The following MYO1B variants were observed in gnomAD, a reference collection of about 807,000 sequenced individuals.
MYO1B encodes the protein myosin IB.
Under a neutral mutation model 159.7 loss-of-function variants are expected in MYO1B, and 72 were observed. The observed-to-expected ratio is 0.45, with a 90% CI of 0.37 to 0.55. The LOEUF (loss-of-function observed/expected upper bound fraction) is 0.55. MYO1B is among the 20% of genes least tolerant of loss of function. The pLI is 0.00. For synonymous variants in MYO1B, 468 were observed against 473.8 expected (o/e 0.99, Z 0.16); for missense variants, 1,062 against 1,364.8 (o/e 0.78, Z 3.50).
chr2:191,303,078 C>A (rs1451459556), intron 3 of MYO1B, among the ~76,000 whole-genome samples: 1 of 152,160 alleles, frequency 6.6e-6, no homozygotes, highest in African/African-American at 2.4e-5. Flanking sequence ...TTATAAAGAA[C>A]ATTTCTGACT....
intron 15 of MYO1B, 101 bp downstream of exon 15, chr2:191,383,443 GTTTT>G (rs200389825): frequency 2.7e-5 from 2 of 75,280 alleles, no homozygotes; most frequent in Non-Finnish European, 5.2e-5. Flanking sequence ...TATTTTCACT[GTTTT>G]TTATATATAT....
At chr2:191,373,506 T>C (rs1694506969) in intron 13 of MYO1B, among the ~76,000 whole-genome samples, 1 of 152,238 alleles carries the variant, frequency 6.6e-6, no homozygotes, top group Non-Finnish European at 1.5e-5. Flanking sequence ...CTGGGCATGG[T>C]GGCTCACACT....
intron 30 of MYO1B, among the ~76,000 whole-genome samples, chr2:191,421,157 C>T (rs1697912352): frequency 6.6e-6 from 1 of 151,450 alleles, no homozygotes; most frequent in East Asian, 1.9e-4. Flanking sequence ...GCAACCTCTG[C>T]CTCCTGGGTT....
chr2:191,378,210 G>T (rs531321979), intron 13 of MYO1B, among the ~76,000 whole-genome samples: 2 of 152,130 alleles, frequency 1.3e-5, no homozygotes, highest in Non-Finnish European at 2.9e-5. Flanking sequence ...TCACTTTTTG[G>T]TGATCTGCCA....
intron 3 of MYO1B, among the ~76,000 whole-genome samples, chr2:191,323,709 A>G (rs1436218042): frequency 6.6e-6 from 1 of 152,142 alleles, no homozygotes; most frequent in East Asian, 1.9e-4. Context: ...CTGACTTTCA[A>G]GCTTTATTTG....
intron 3 of MYO1B, among the ~76,000 whole-genome samples, chr2:191,299,018 C>T (rs2125822381): frequency 6.6e-6 from 1 of 152,302 alleles, no homozygotes; most frequent in South Asian, 2.1e-4. Context: ...AGTTTACCCC[C>T]AGCAATTGTC....
intron 18 of MYO1B, 46 bp from the exon 19 acceptor site, chr2:191,392,061 AT>A: frequency 6.9e-7 from 1 of 1,442,166 alleles, no homozygotes; most frequent in Non-Finnish European, 9.6e-7. Context: ...AGATAAAACT[AT>A]TTTTGTAACT....
intron 5 of MYO1B, 47 bp downstream of exon 5, chr2:191,341,612 T>C (rs1692228863): frequency 1.4e-6 from 2 of 1,473,310 alleles, no homozygotes; most frequent in African/African-American, 2.8e-5. Context: ...AAACAGTAGA[T>C]TGAGTTATGT....
intron 5 of MYO1B, among the ~76,000 whole-genome samples, chr2:191,346,027 CTT>C (rs975618902): frequency 3.3e-5 from 5 of 152,138 alleles, no homozygotes; most frequent in African/African-American, 1.2e-4. Context: ...GAATGATTCT[CTT>C]TTTCTATGAA....
In MYO1B at chr2:191,393,130, C is replaced by G; in HGVS notation, c.2134C>G (p.Gln712Glu). ...CCTGGAGGACTTGGCCACTCTCATT[C>G]AGAAGATATATCGGGGGTGGAAATG... ...QRLEDLATLIQKIYRGWKCRT... is the reference protein window; with the variant it reads ...QRLEDLATLIEKIYRGWKCRT... Residue 712 changes from glutamine to glutamate, a missense_variant, in exon 20 of 31, where the codon CAG (glutamine) becomes GAG (glutamate). Physicochemically the swap from Gln to Glu is conservative, Grantham distance 29. Transcript: ENST00000392318. 1 of 1,613,982 alleles carries G rather than the reference C, an allele frequency of 6.2e-7. No individual in the cohort carries two copies. Among genetic ancestry groups the G allele is most frequent in the Non-Finnish European group, 8.5e-7 (1 of 1,179,966 alleles).
At chr2:191,352,098 A>T (rs1239760468) in intron 7 of MYO1B, among the ~76,000 whole-genome samples, 3 of 152,248 alleles carry the variant, frequency 2.0e-5, no homozygotes, top group African/African-American at 4.8e-5. Context: ...AAAAGTACTC[A>T]TGCAAACCAC....
intron 2 of MYO1B, among the ~76,000 whole-genome samples, chr2:191,293,282 A>T (rs1008642838): frequency 2.0e-5 from 3 of 152,166 alleles, no homozygotes; most frequent in African/African-American, 7.2e-5. Context: ...GCATGCAGGG[A>T]TGGAAAGAAT....
At chr2:191,273,062 C>T (rs1687549820) in intron 1 of MYO1B, among the ~76,000 whole-genome samples, 1 of 152,162 alleles carries the variant, frequency 6.6e-6, no homozygotes, top group African/African-American at 2.4e-5. Flanking sequence ...GCAGTTTGAT[C>T]CAGAGGTTTG....
chr2:191,344,646 C>T (rs1370133423), intron 5 of MYO1B, among the ~76,000 whole-genome samples: 9 of 151,510 alleles, frequency 5.9e-5, no homozygotes, highest in African/African-American at 1.2e-4. Context: ...CCGGCTAAAA[C>T]GGTGAAACCC....
intron 7 of MYO1B, among the ~76,000 whole-genome samples, chr2:191,352,233 C>G (rs1692971992): frequency 2.0e-5 from 3 of 152,186 alleles, no homozygotes; most frequent in Admixed American, 2.0e-4. Flanking sequence ...TTAAGATCAC[C>G]ATTTTAAGGA....
chr2:191,327,971 A>C (rs1280680832), intron 3 of MYO1B, among the ~76,000 whole-genome samples: 2 of 152,336 alleles, frequency 1.3e-5, no homozygotes, highest in East Asian at 3.9e-4. Flanking sequence ...AGGATCTCAC[A>C]GTAGTTCAGC....
chr2:191,422,800 A>G (rs759114308), intron 30 of MYO1B, among the ~76,000 whole-genome samples: 3 of 152,096 alleles, frequency 2.0e-5, no homozygotes, highest in Non-Finnish European at 2.9e-5. Context: ...CATTTTCTCA[A>G]TTTGTTGATA....
At position 191,393,135 on chromosome 2, in the gene MYO1B, G is replaced by T; in HGVS notation, c.2139G>T (p.Lys713Asn). Residue 713 changes from lysine (K) to asparagine (N), a missense_variant, in exon 20 of 31, where the codon AAG becomes AAT. This residue lies in a region of MYO1B where 609 missense variants were observed against 744.4 expected (regional missense o/e 0.82). Transcript: ENST00000392318. Reference sequence around the variant, plus strand: ...AGGACTTGGCCACTCTCATTCAGAAGATATATCGGGGGTGGAAATGCCGCA... The same window carrying T: ...AGGACTTGGCCACTCTCATTCAGAATATATATCGGGGGTGGAAATGCCGCA... The part of the protein sequence containing the change: ...RLEDLATLIQ[K>N]IYRGWKCRTH... The T allele has an allele frequency of 1.9e-6, 3 of 1,614,020 alleles. No individual in the cohort carries two copies. Among genetic ancestry groups the T allele is most frequent in the Non-Finnish European group, 2.5e-6 (3 of 1,179,990 alleles).
At chr2:191,267,908 G>A (rs1024770403) in intron 1 of MYO1B, among the ~76,000 whole-genome samples, 3 of 152,194 alleles carry the variant, frequency 2.0e-5, no homozygotes, top group African/African-American at 7.2e-5. Flanking sequence ...TGGAAGGGTA[G>A]CGATGATGGA....
Sources: allele counts gnomAD v4.1 joint callset (sites outside exome capture counted in the v4.1 genomes callset), GRCh38; gene constraint gnomAD v4.1.1; regional missense constraint gnomAD v4.1.1; transcripts MANE v1.5; gene names NCBI Gene and HGNC (gene_info 2026-07-23, HGNC 2026-07-21).